PTPRD: variants seen among roughly 807,000 people sequenced by gnomAD.
PTPRD encodes the protein protein tyrosine phosphatase receptor type D.
PTPRD carries 34 observed loss-of-function variants against 214.5 expected under a neutral mutation model. The observed-to-expected ratio is 0.16, with a 90% CI of 0.12 to 0.21. The LOEUF (loss-of-function observed/expected upper bound fraction) is 0.21, where lower values mean the gene tolerates loss of function less well. PTPRD is among the 10% of genes least tolerant of loss of function. The pLI is 1.00. For synonymous variants in PTPRD, 1,128 were observed against 845.7 expected (o/e 1.33, Z -5.79); for missense variants, 2,545 against 2,398.7 (o/e 1.06, Z -1.27).
At position 9,215,390 on chromosome 9, in the gene PTPRD, G is replaced by A. The variant is rs12004130; in HGVS notation, c.-202-32027C>T. 3.9e-3 allele frequency among the ~76,000 whole-genome samples: 590 copies of A among 152,174 alleles called. 2 individuals carry two copies. Among genetic ancestry groups the A allele is most frequent in the African/African-American group, 0.014 (562 of 41,520 alleles). ...AAATTTCTTCCCTGAGTTCTGGAGA[G>A]AAAATAAAAATACCCTGCCTACCAC... On this transcript the variant is annotated intron_variant, in intron 9 of 45. Transcript: ENST00000381196.
intron 11 of PTPRD, among the ~76,000 whole-genome samples, chr9:8,877,968 AG>A (rs1301048426): frequency 6.6e-6 from 1 of 152,158 alleles, no homozygotes; most frequent in Non-Finnish European, 1.5e-5. Flanking sequence ...GGAAAGAAAG[AG>A]GGTTGACTCT....
At chr9:8,382,279 G>T (rs1047270317) in intron 37 of PTPRD, among the ~76,000 whole-genome samples, 2 of 152,140 alleles carry the variant, frequency 1.3e-5, no homozygotes, top group Non-Finnish European at 2.9e-5. Context: ...CCAAACATTG[G>T]ACCCTAAACA....
chr9:8,845,150 C>T (rs1330183574), intron 11 of PTPRD, among the ~76,000 whole-genome samples: 2 of 146,986 alleles, frequency 1.4e-5, no homozygotes, highest in African/African-American at 5.2e-5. Flanking sequence ...AAAATGAGGT[C>T]TCTAAAATCC....
At chr9:8,410,796 T>C (rs550348457) in intron 35 of PTPRD, among the ~76,000 whole-genome samples, 13 of 152,316 alleles carry the variant, frequency 8.5e-5, no homozygotes, top group African/African-American at 2.9e-4. Context: ...TCTAACATAC[T>C]ATATAACAAA....
At chr9:10,300,731 C>T (rs1482795509) in intron 3 of PTPRD, among the ~76,000 whole-genome samples, 1 of 152,104 alleles carries the variant, frequency 6.6e-6, no homozygotes, top group African/African-American at 2.4e-5. Context: ...CCTCTCTAGG[C>T]AGGGTATCTC....
intron 9 of PTPRD, among the ~76,000 whole-genome samples, chr9:9,326,607 A>G (rs907888470): frequency 6.6e-6 from 1 of 152,034 alleles, no homozygotes; most frequent in Non-Finnish European, 1.5e-5. Context: ...CCATAAAACA[A>G]TGTTTAAATA....
chr9:10,128,366 T>C (rs2098835149), intron 3 of PTPRD, among the ~76,000 whole-genome samples: 1 of 152,036 alleles, frequency 6.6e-6, no homozygotes, highest in African/African-American at 2.4e-5. Context: ...AAGGTGACAG[T>C]TGGACATTGG....
At chr9:8,343,148 CA>C (rs1854126121) in intron 39 of PTPRD, among the ~76,000 whole-genome samples, 2 of 96,978 alleles carry the variant, frequency 2.1e-5, no homozygotes, top group African/African-American at 3.0e-5. Flanking sequence ...AGTAAGAGAT[CA>C]TTTTTTTTTT....
chr9:10,200,310 T>C (rs973696894), intron 3 of PTPRD, among the ~76,000 whole-genome samples: 2 of 152,118 alleles, frequency 1.3e-5, no homozygotes, highest in African/African-American at 4.8e-5. Flanking sequence ...GGTTTTCAAC[T>C]GGGAAATTTT....
intron 14 of PTPRD, among the ~76,000 whole-genome samples, chr9:8,625,193 C>T (rs963032685): frequency 6.6e-6 from 1 of 151,762 alleles, no homozygotes; most frequent in East Asian, 1.9e-4. Context: ...CATATACAAA[C>T]ACACTATATA....
Position 8,718,850 on chromosome 9 carries a change from C to T in PTPRD, c.64+14930G>A, listed in dbSNP as rs947640163. On this transcript the variant is annotated intron_variant, in intron 12 of 45. Transcript: ENST00000381196. ...ACAAAAGCGTTTCAGTTTGCTGGCA[C>T]GATGGAGCGTAGTGTTATTTCCGAG... Among the ~76,000 whole-genome samples, 13 of 152,154 alleles carry T rather than the reference C, an allele frequency of 8.5e-5. No homozygotes were observed. In the East Asian group the frequency reaches 1.7e-3, roughly 20 times the overall value.
chr9:9,731,630 G>T (rs1247425551), intron 7 of PTPRD, among the ~76,000 whole-genome samples: 2 of 151,888 alleles, frequency 1.3e-5, no homozygotes, highest in Non-Finnish European at 2.9e-5. Flanking sequence ...CCACAATGCA[G>T]CCATAAAAAA....
chr9:10,416,548 C>T (rs1234581888), intron 2 of PTPRD, among the ~76,000 whole-genome samples: 2 of 151,614 alleles, frequency 1.3e-5, no homozygotes, highest in Non-Finnish European at 2.9e-5. Flanking sequence ...ACTAAAAAAG[C>T]GATGAGAAAA....
intron 14 of PTPRD, 122 bp downstream of exon 14, chr9:8,633,195 C>A (rs1208943995): frequency 2.4e-6 from 3 of 1,275,520 alleles, no homozygotes; most frequent in South Asian, 1.6e-5. Context: ...TCAAGTCTTA[C>A]AAACATTTAA....
intron 5 of PTPRD, among the ~76,000 whole-genome samples, chr9:9,851,653 A>C (rs1235406029): frequency 2.0e-5 from 3 of 152,144 alleles, no homozygotes; most frequent in African/African-American, 7.2e-5. Context: ...TGTGGTGCAC[A>C]CCTATAGTCC....
chr9:9,669,735 T>A (rs1594783336), intron 7 of PTPRD, among the ~76,000 whole-genome samples: 2 of 152,176 alleles, frequency 1.3e-5, no homozygotes, highest in South Asian at 4.1e-4. Context: ...TTCAACATCA[T>A]TTTTATAATT....
At chr9:9,606,860 C>T (rs1363002643) in intron 7 of PTPRD, among the ~76,000 whole-genome samples, 1 of 149,986 alleles carries the variant, frequency 6.7e-6, no homozygotes, top group Non-Finnish European at 1.5e-5. Context: ...CCTCCAAGCA[C>T]AGCCTGCAAG....
At chr9:10,249,293 A>G (rs750658743) in intron 3 of PTPRD, among the ~76,000 whole-genome samples, 3 of 152,180 alleles carry the variant, frequency 2.0e-5, no homozygotes, top group Non-Finnish European at 2.9e-5. Flanking sequence ...TGTTGTGGTC[A>G]GCATGCTCTC....
At chr9:10,246,801 G>A (rs928927009) in intron 3 of PTPRD, among the ~76,000 whole-genome samples, 1 of 151,804 alleles carries the variant, frequency 6.6e-6, no homozygotes, top group Non-Finnish European at 1.5e-5. Context: ...GGCTGAGGCA[G>A]GAGAATCGCT....
Sources: gnomAD v4.1 joint callset for allele counts (sites outside exome capture counted in the v4.1 genomes callset) on GRCh38, gnomAD v4.1.1 for gene constraint, MANE v1.5 for transcripts, NCBI Gene and HGNC (gene_info 2026-07-23, HGNC 2026-07-21) for gene names.